Variants in CDK6 observed in about 807,000 individuals in gnomAD.
The protein encoded by CDK6 is cyclin-dependent kinase 6.
A neutral mutation model predicts 37.1 loss-of-function variants in CDK6; 6 were observed. The observed-to-expected ratio is 0.16, with a 90% CI of 0.09 to 0.32. The LOEUF (loss-of-function observed/expected upper bound fraction) is 0.32. Among genes scored for constraint, CDK6 ranks in the 10% least tolerant of loss-of-function variants. The pLI is 1.00. For synonymous variants in CDK6, 160 were observed against 161.3 expected, an observed-to-expected ratio of 0.99 and a Z score of 0.06; for missense variants, 224 against 418.9, an observed-to-expected ratio of 0.53 and a Z score of 4.06.
chr7:92,814,130 C>T (rs539779745), intron 2 of CDK6, among the ~76,000 whole-genome samples: 1 of 152,262 alleles, frequency 6.6e-6, no homozygotes, highest in South Asian at 2.1e-4. Flanking sequence ...AATATGATGT[C>T]AAATTAGCTT....
chr7:92,653,489 A>G (rs1232289472), intron 5 of CDK6, among the ~76,000 whole-genome samples: 1 of 152,224 alleles, frequency 6.6e-6, no homozygotes, highest in African/African-American at 2.4e-5. Flanking sequence ...AGGGAATGTT[A>G]GAGAAATGGA....
intron 3 of CDK6, among the ~76,000 whole-genome samples, chr7:92,736,465 G>A (rs1798789588): frequency 6.6e-6 from 1 of 152,112 alleles, no homozygotes; most frequent in Non-Finnish European, 1.5e-5. Context: ...TGGCACAAGA[G>A]CGCTAGGCAC....
intron 3 of CDK6, among the ~76,000 whole-genome samples, chr7:92,766,647 G>C (rs971077696): frequency 2.6e-5 from 4 of 152,214 alleles, no homozygotes; most frequent in Non-Finnish European, 2.9e-5. Context: ...CAAAAAAAGA[G>C]ACTGCAACCA....
intron 4 of CDK6, among the ~76,000 whole-genome samples, chr7:92,721,055 G>C (rs570015764): frequency 6.6e-6 from 1 of 152,254 alleles, no homozygotes; most frequent in East Asian, 1.9e-4. Context: ...CATGGTTTCA[G>C]AGAAACTTTT....
In CDK6 at chr7:92,608,117, CAGAG is replaced by C. The variant is rs1270482325; in HGVS notation, c.*7019_*7022del. On this transcript the variant is annotated 3_prime_UTR_variant, in exon 8 of 8. Transcript: ENST00000424848. ...ATCAACGGAATTTTTCTAGGGACCACAGAGAGTTAGAAATTAAATAATTGTGTGG... is the reference window on the plus strand; with the variant it reads ...ATCAACGGAATTTTTCTAGGGACCACAGTTAGAAATTAAATAATTGTGTGG... The C allele has an allele frequency of 4.3e-6, 1 of 232,918 alleles. No individual in the cohort carries two copies. The highest frequency in any genetic ancestry group is 8.5e-6 in the Non-Finnish European group (1 of 117,696). The allele number at this position is 232,918 out of a possible 1,614,324, so 14.4% of individuals were successfully genotyped here.
rs543987377 is a variant in CDK6 at position 92,816,605 on chromosome 7, A to T, written c.233+16486T>A. Among the ~76,000 whole-genome samples the T allele has an allele frequency of 2.0e-5, 3 of 152,266 alleles. No individual in the cohort carries two copies. In the South Asian group the frequency reaches 6.2e-4, roughly 32 times the overall value. ...CAAATTGAATGAAAATTAAGCCACA[A>T]CATATTCAAATTTGTGGGAAGATGC... On this transcript the variant is annotated intron_variant, in intron 2 of 7. Coordinates refer to ENST00000424848, the MANE Select transcript of CDK6 (RefSeq NM_001145306.2).
chr7:92,813,184 T>A (rs906395199), intron 2 of CDK6, among the ~76,000 whole-genome samples: 1 of 152,292 alleles, frequency 6.6e-6, no homozygotes, highest in South Asian at 2.1e-4. Context: ...GTCCTTTAAA[T>A]CACAAATCAC....
intron 3 of CDK6, among the ~76,000 whole-genome samples, chr7:92,767,117 G>A (rs1799601060): frequency 6.6e-6 from 1 of 152,096 alleles, no homozygotes; most frequent in African/African-American, 2.4e-5. Context: ...TTACATTAAT[G>A]TAGCTTTTTA....
At chr7:92,619,985 G>A (rs1795772452) in intron 6 of CDK6, among the ~76,000 whole-genome samples, 1 of 152,160 alleles carries the variant, frequency 6.6e-6, no homozygotes, top group African/African-American at 2.4e-5. Context: ...AAAAATGCTT[G>A]TTAGAGAGCT....
At chr7:92,621,787 C>T (rs911358680) in intron 6 of CDK6, among the ~76,000 whole-genome samples, 4 of 152,134 alleles carry the variant, frequency 2.6e-5, no homozygotes, top group Non-Finnish European at 5.9e-5. Context: ...GTAGCATCAC[C>T]TGCCCTGGAC....
intron 4 of CDK6, among the ~76,000 whole-genome samples, chr7:92,709,756 T>C (rs1285320713): frequency 6.6e-6 from 1 of 152,186 alleles, no homozygotes; most frequent in Admixed American, 6.5e-5. Context: ...AAGCAATCCT[T>C]AGCTTCCTGA....
chr7:92,669,964 C>G (rs28498331), intron 5 of CDK6, among the ~76,000 whole-genome samples: 1 of 152,232 alleles, frequency 6.6e-6, no homozygotes, highest in African/African-American at 2.4e-5. Flanking sequence ...CCTGGTGATG[C>G]TGAGGTTCCT....
chr7:92,615,952 G>T (rs921062369), intron 7 of CDK6, among the ~76,000 whole-genome samples: 1 of 152,144 alleles, frequency 6.6e-6, no homozygotes, highest in African/African-American at 2.4e-5. Context: ...GTTAGAATGT[G>T]TCCCTAATTT....
chr7:92,826,868 C>A (rs1316873753), intron 2 of CDK6, among the ~76,000 whole-genome samples: 1 of 152,042 alleles, frequency 6.6e-6, no homozygotes. Flanking sequence ...GAAACATATA[C>A]GGGTTAACCA....
At chr7:92,745,436 C>T (rs1312963587) in intron 3 of CDK6, among the ~76,000 whole-genome samples, 1 of 152,120 alleles carries the variant, frequency 6.6e-6, no homozygotes, top group Non-Finnish European at 1.5e-5. Context: ...GATTTTCATG[C>T]CTGCCATTGA....
intron 4 of CDK6, among the ~76,000 whole-genome samples, chr7:92,696,543 G>T (rs1797723021): frequency 6.6e-6 from 1 of 152,026 alleles, no homozygotes; most frequent in Middle Eastern, 3.2e-3. Context: ...ATTATTTAAG[G>T]CCTCAAAATG....
At chr7:92,620,260 T>G (rs1795779727) in intron 6 of CDK6, among the ~76,000 whole-genome samples, 1 of 152,198 alleles carries the variant, frequency 6.6e-6, no homozygotes, top group South Asian at 2.1e-4. Context: ...TAATTTTATA[T>G]AAAATTTTAA....
chr7:92,620,470 A>G (rs1795784614), intron 6 of CDK6, among the ~76,000 whole-genome samples: 1 of 152,218 alleles, frequency 6.6e-6, no homozygotes, highest in Non-Finnish European at 1.5e-5. Flanking sequence ...CGTTCTCTCT[A>G]TTCCAATATT....
chr7:92,746,678 T>A (rs187740818), intron 3 of CDK6, among the ~76,000 whole-genome samples: 2 of 152,302 alleles, frequency 1.3e-5, no homozygotes, highest in East Asian at 3.9e-4. Context: ...CTCAATCTGT[T>A]CCAATTTATA....
Sources: allele counts gnomAD v4.1 joint callset (sites outside exome capture counted in the v4.1 genomes callset), GRCh38; gene constraint gnomAD v4.1.1; transcripts MANE v1.5; gene names NCBI Gene and HGNC (gene_info 2026-07-23, HGNC 2026-07-21).